Variants in TAF4B observed in about 807,000 individuals in gnomAD.
TAF4B encodes transcription initiation factor TFIID subunit 4B.
A neutral mutation model predicts 86.4 loss-of-function variants in TAF4B; 38 were observed. The observed-to-expected ratio is 0.44, with a 90% confidence interval of 0.34 to 0.58. The LOEUF (loss-of-function observed/expected upper bound fraction) is 0.58, where lower values mean the gene tolerates loss of function less well. Among genes scored for constraint, TAF4B ranks in the 20% least tolerant of loss-of-function variants. The probability of loss-of-function intolerance (pLI) is 0.02; values close to 1 mark genes in which losing one functional copy is unlikely to be tolerated. For missense variants in TAF4B, 988 were observed against 1,027.6 expected (o/e 0.96, Z 0.53); for synonymous variants, 388 against 391.2 (o/e 0.99, Z 0.10).
chr18:26,260,885 C>G (rs2056155850), intron 1 of TAF4B, among the ~76,000 whole-genome samples: 1 of 152,146 alleles, frequency 6.6e-6, no homozygotes, highest in Non-Finnish European at 1.5e-5. Context: ...AATTGTTACT[C>G]TGACATTTAT....
chr18:26,231,829 A>G (rs2055675194), intron 1 of TAF4B, among the ~76,000 whole-genome samples: 1 of 152,108 alleles, frequency 6.6e-6, no homozygotes, highest in Admixed American at 6.5e-5. Context: ...AAAAGAACAA[A>G]GCTTCCACAG....
At chr18:26,270,175 A>G (rs2056295134) in intron 3 of TAF4B, among the ~76,000 whole-genome samples, 1 of 152,222 alleles carries the variant, frequency 6.6e-6, no homozygotes, top group South Asian at 2.1e-4. Flanking sequence ...TTCAGGACAC[A>G]GAGAGCAAAT....
intron 9 of TAF4B, among the ~76,000 whole-genome samples, chr18:26,307,034 C>T (rs1161893938): frequency 6.6e-6 from 1 of 152,198 alleles, no homozygotes; most frequent in African/African-American, 2.4e-5. Flanking sequence ...CGTGATCCAC[C>T]TGCCTCGGCC....
chr18:26,263,902 A>G (rs1192107325), intron 1 of TAF4B, among the ~76,000 whole-genome samples: 1 of 152,106 alleles, frequency 6.6e-6, no homozygotes, highest in Non-Finnish European at 1.5e-5. Context: ...ATTGTCTAAG[A>G]GTTTAAAAAT....
chr18:26,332,028 C>T (rs2057054155), intron 12 of TAF4B, among the ~76,000 whole-genome samples: 1 of 152,184 alleles, frequency 6.6e-6, no homozygotes, highest in Non-Finnish European at 1.5e-5. Context: ...CTTTCTGTTC[C>T]TTGAATGTGC....
At chr18:26,298,006 A>G (rs1031574285) in intron 9 of TAF4B, among the ~76,000 whole-genome samples, 1 of 149,252 alleles carries the variant, frequency 6.7e-6, no homozygotes, top group African/African-American at 2.5e-5. Context: ...CTTGCTAACA[A>G]TTGATACTGC....
At chr18:26,319,512 A>G (rs2056942003) in intron 10 of TAF4B, among the ~76,000 whole-genome samples, 1 of 152,192 alleles carries the variant, frequency 6.6e-6, no homozygotes, top group African/African-American at 2.4e-5. Flanking sequence ...GAAAATAAAA[A>G]TAAAAATAAG....
intron 14 of TAF4B, among the ~76,000 whole-genome samples, chr18:26,384,852 A>G (rs1978316310): frequency 3.3e-5 from 5 of 152,254 alleles, no homozygotes; most frequent in Admixed American, 3.3e-4. Flanking sequence ...ACTGAGGCAC[A>G]GAGAAATTAA....
intron 14 of TAF4B, among the ~76,000 whole-genome samples, chr18:26,364,539 C>T (rs890419102): frequency 1.3e-5 from 2 of 152,044 alleles, no homozygotes; most frequent in East Asian, 1.9e-4. Flanking sequence ...CACTTTACTT[C>T]CTGTGTTAAT....
intron 5 of TAF4B, among the ~76,000 whole-genome samples, chr18:26,277,580 G>A (rs895939119): frequency 1.3e-5 from 2 of 152,088 alleles, no homozygotes; most frequent in Non-Finnish European, 2.9e-5. Flanking sequence ...TCTGTTTTGT[G>A]ATATGTTATT....
intron 13 of TAF4B, among the ~76,000 whole-genome samples, chr18:26,355,279 T>A (rs1005247866): frequency 5.3e-5 from 8 of 152,200 alleles, no homozygotes; most frequent in South Asian, 2.1e-4. Flanking sequence ...GGATTTTTTT[T>A]ATATATAGAT....
chr18:26,256,300 T>A, intron 1 of TAF4B: 1 of 1,448,960 alleles, frequency 6.9e-7, no homozygotes. Flanking sequence ...GACTTAGCTC[T>A]GCAAATACAG....
chr18:26,246,594 C>T (rs1328244433), intron 1 of TAF4B, among the ~76,000 whole-genome samples: 2 of 151,762 alleles, frequency 1.3e-5, no homozygotes, highest in South Asian at 2.1e-4. Flanking sequence ...AGTGCAGTGG[C>T]GCGATCTCAG....
chr18:26,315,373 T>G lies in TAF4B; in HGVS notation c.1977T>G (p.Ala659=). ...ATGAACCATTTCTTTTTATTGGAGC[T>G]CTACAAAAGAGAATTTTAGACATTG... The part of the protein sequence containing the change: ...CKDEPFLFIG[A]LQKRILDIGK... The change falls in exon 10 of 15, where the codon GCT becomes GCG. Residue 659 remains alanine (A), a synonymous_variant. Transcript: ENST00000269142. The G allele has an allele frequency of 6.2e-7, 1 of 1,613,016 alleles. No individual in the cohort carries two copies. The highest frequency in any genetic ancestry group is 1.1e-5 in the South Asian group (1 of 90,982).
intron 3 of TAF4B, among the ~76,000 whole-genome samples, chr18:26,270,174 CAG>C (rs1243063766): frequency 6.6e-6 from 1 of 152,180 alleles, no homozygotes; most frequent in Non-Finnish European, 1.5e-5. Flanking sequence ...CTTCAGGACA[CAG>C]AGAGCAAATT....
chr18:26,346,781 G>GTA lies in TAF4B; in HGVS notation c.2317-10893_2317-10892dup, dbSNP rs1159806367. 7.2e-4 allele frequency among the ~76,000 whole-genome samples: 14 copies of GTA among 19,338 alleles called. 1 individual carries two copies. Among genetic ancestry groups the GTA allele is most frequent in the African/African-American group, 1.2e-3 (9 of 7,516 alleles). 12.7% of individuals were successfully genotyped at this position (19,338 alleles called of 152,430 possible). On this transcript the variant is annotated intron_variant, in intron 13 of 14. Transcript: ENST00000269142. ...TGTGTATATATATATATATGTGTGTGTATATATATATATATATGTGTATAT... is the reference window on the plus strand; with the variant it reads ...TGTGTATATATATATATATGTGTGTGTATATATATATATATATATGTGTATAT...
At chr18:26,261,758 GT>G (rs1163941829) in intron 1 of TAF4B, among the ~76,000 whole-genome samples, 1 of 152,132 alleles carries the variant, frequency 6.6e-6, no homozygotes, top group African/African-American at 2.4e-5. Flanking sequence ...TGTCTCTTTG[GT>G]TTTCTTTGGT....
At chr18:26,310,982 A>G (rs929663194) in intron 9 of TAF4B, among the ~76,000 whole-genome samples, 1 of 152,012 alleles carries the variant, frequency 6.6e-6, no homozygotes, top group Non-Finnish European at 1.5e-5. Flanking sequence ...CTTAATAGTA[A>G]TCTTGGAGAT....
intron 12 of TAF4B, among the ~76,000 whole-genome samples, chr18:26,329,734 T>A (rs1221711466): frequency 6.6e-6 from 1 of 152,230 alleles, no homozygotes; most frequent in Non-Finnish European, 1.5e-5. Context: ...TCTTCTCAGC[T>A]GATCATTTCA....
Sources: gnomAD v4.1 joint callset for allele counts (sites outside exome capture counted in the v4.1 genomes callset) on GRCh38, gnomAD v4.1.1 for gene constraint, MANE v1.5 for transcripts, NCBI Gene and HGNC (gene_info 2026-07-23, HGNC 2026-07-21) for gene names.